Variants in ZKSCAN1 observed in about 807,000 individuals in gnomAD.
ZKSCAN1 encodes zinc finger protein with KRAB and SCAN domains 1.
In ZKSCAN1, 14 loss-of-function variants were observed where a neutral mutation model predicts 51.6. The ratio of observed to expected loss-of-function variants is 0.27; its 90% CI spans 0.18 to 0.42. The LOEUF (loss-of-function observed/expected upper bound fraction) is 0.42, where lower values mean the gene tolerates loss of function less well. ZKSCAN1 is among the 10% of genes least tolerant of loss of function. ZKSCAN1 has a pLI of 1.00. For missense variants in ZKSCAN1, 531 were observed against 710.0 expected, an observed-to-expected ratio of 0.75 and a Z score of 2.86; for synonymous variants, 263 against 261.5, an observed-to-expected ratio of 1.01 and a Z score of -0.06.
chr7:100,032,428 GT>G (rs1791147381), intron 5 of ZKSCAN1, among the ~76,000 whole-genome samples: 2 of 152,096 alleles, frequency 1.3e-5, no homozygotes, highest in South Asian at 4.1e-4. Context: ...TGCTCCCTCT[GT>G]TGTCATTTCC....
At chr7:100,042,959 G>A (rs1359537722), downstream of ZKSCAN1, among the ~76,000 whole-genome samples, 6 of 152,018 alleles carry the variant, frequency 3.9e-5, no homozygotes, top group Non-Finnish European at 7.4e-5. Flanking sequence ...CACTGTGCCC[G>A]GCTAACTTTT....
At chr7:100,045,052 G>A (rs544515872), downstream of ZKSCAN1, 26 of 894,650 alleles carry the variant, frequency 2.9e-5, no homozygotes, top group African/African-American at 4.7e-4. Flanking sequence ...AACACTAAAT[G>A]CTGGAATCTT....
intron 4 of ZKSCAN1, 142 bp downstream of exon 4, chr7:100,030,094 T>C: frequency 7.2e-7 from 1 of 1,391,610 alleles, no homozygotes; most frequent in Non-Finnish European, 9.9e-7. Context: ...AGCATCTTTC[T>C]ACCACAAACT....
rs754643080 is a variant in ZKSCAN1, at chr7:100,023,482, G to A, written c.-25G>A. 2 of 1,593,356 alleles carry A rather than the reference G, an allele frequency of 1.3e-6. No individual in the cohort carries two copies. Among genetic ancestry groups the A allele is most frequent in the Admixed American group, 3.5e-5 (2 of 57,832 alleles). On this transcript the variant is annotated 5_prime_UTR_variant, in exon 2 of 6. Transcript: ENST00000324306. ...TAAAGGTGAGCACAGACCCTGTTTG[G>A]ATCAAGTCAGTTCCTGGAGCCTGAA...
At position 100,033,185 on chromosome 7, in the gene ZKSCAN1, A is replaced by G; in HGVS notation, c.800-120A>G. On this transcript the variant is annotated intron_variant, in intron 5 of 5. Transcript: ENST00000324306. This position sits in a 1 kb window ranked among gnomAD's most constrained non-coding sequence, Gnocchi z 4.1. Reference sequence around the variant, plus strand: ...AGACTCTGTCTCAAAGGAAATAAAAATAAAAATATTGCAAAGTCATTTTGC... The same window carrying G: ...AGACTCTGTCTCAAAGGAAATAAAAGTAAAAATATTGCAAAGTCATTTTGC... 1.4e-6 allele frequency: 2 copies of G among 1,438,314 alleles called. No individual in the cohort carries two copies. The highest frequency in any genetic ancestry group is 3.1e-5 in the South Asian group (2 of 64,794). 89.1% of individuals were successfully genotyped at this position (1,438,314 alleles called of 1,614,324 possible).
chr7:100,034,209 G>T lies in ZKSCAN1; in HGVS notation c.*12G>T. The T allele has an allele frequency of 6.7e-7, 1 of 1,499,376 alleles. No individual in the cohort carries two copies. The highest frequency in any genetic ancestry group is 8.8e-7 in the Non-Finnish European group (1 of 1,132,006). The allele number at this position is 1,499,376 out of a possible 1,614,324, so 92.9% of individuals were successfully genotyped here. On this transcript the variant is annotated 3_prime_UTR_variant, in exon 6 of 6. Transcript: ENST00000324306. Reference sequence around the variant, plus strand: ...AAAGTTGTGTGTAAAGGAAGAATTTGCCATCAAGCCATTTCCCCCTTTTGT... The same window carrying T: ...AAAGTTGTGTGTAAAGGAAGAATTTTCCATCAAGCCATTTCCCCCTTTTGT...
downstream of ZKSCAN1, chr7:100,044,705 A>AT: frequency 1.6e-6 from 1 of 641,432 alleles, no homozygotes; most frequent in Non-Finnish European, 1.9e-6. Context: ...AAAAAAAAAA[A>AT]GTAGCACTGA....
chr7:100,039,599 C>T lies in ZKSCAN1; in HGVS notation c.*5402C>T. On this transcript the variant is annotated 3_prime_UTR_variant, in exon 6 of 6. Transcript: ENST00000324306. ...TATCCTAGAGTCAGTCACTTTTATTCCAGGTAGTCATGCTGATCTGCTTAT... is the reference window on the plus strand; with the variant it reads ...TATCCTAGAGTCAGTCACTTTTATTTCAGGTAGTCATGCTGATCTGCTTAT... 2 of 985,376 alleles carry T rather than the reference C, an allele frequency of 2.0e-6. No individual in the cohort carries two copies. The highest frequency in any genetic ancestry group is 2.4e-6 in the Non-Finnish European group (2 of 829,932). 61.0% of individuals were successfully genotyped at this position (985,376 alleles called of 1,614,324 possible). A position where few individuals can be genotyped will look rare whatever the true frequency, so the allele number is the denominator to read the frequency against.
chr7:100,033,702 C>T lies in ZKSCAN1; in HGVS notation c.1197C>T (p.His399=), dbSNP rs756381115. Residue 399 remains histidine, a synonymous_variant, in exon 6 of 6, where the codon CAC becomes CAT. Coordinates refer to ENST00000324306, the MANE Select transcript of ZKSCAN1 (RefSeq NM_003439.4). This position sits in a 1 kb window ranked among gnomAD's most constrained non-coding sequence, Gnocchi z 4.1. ...GCCTTATCCGCCATAAAATAATCCA[C>T]ACTGGAGAAAAGCCCTATGAATGTA... ...SSSLIRHKII[H]TGEKPYECSE... 7 of 1,614,226 alleles carry T rather than the reference C, an allele frequency of 4.3e-6. No homozygotes were observed. The Admixed American group carries it at 1.2e-4, about 27-fold the overall frequency.
chr7:100,021,963 C>G (rs1175176968), intron 1 of ZKSCAN1, among the ~76,000 whole-genome samples: 1 of 151,932 alleles, frequency 6.6e-6, no homozygotes, highest in Non-Finnish European at 1.5e-5. Flanking sequence ...AGGCTGGTCT[C>G]AAACTTCTGG....
chr7:100,037,649 C>A lies in ZKSCAN1; in HGVS notation c.*3452C>A. ...GTGAGGAAAACTTTCATGTATAGCA[C>A]TCATTGCTTCAGACAGAAAATGAAT... On this transcript the variant is annotated 3_prime_UTR_variant, in exon 6 of 6. Coordinates refer to ENST00000324306, the MANE Select transcript of ZKSCAN1 (RefSeq NM_003439.4). The A allele has an allele frequency of 2.0e-6, 2 of 985,440 alleles. No homozygotes were observed. The highest frequency in any genetic ancestry group is 9.4e-5 in the South Asian group (2 of 21,286). 61.0% of individuals were successfully genotyped at this position (985,440 alleles called of 1,614,324 possible).
downstream of ZKSCAN1, among the ~76,000 whole-genome samples, chr7:100,042,489 A>G (rs1331828537): frequency 6.6e-6 from 1 of 152,000 alleles, no homozygotes; most frequent in Non-Finnish European, 1.5e-5. Flanking sequence ...ATTCAATTCA[A>G]TTCTGACACT....
downstream of ZKSCAN1, among the ~76,000 whole-genome samples, chr7:100,043,771 A>ATTT (rs772298225): frequency 7.1e-4 from 42 of 58,914 alleles, 1 homozygote; most frequent in South Asian, 4.7e-3. Flanking sequence ...TTCTTTCTTG[A>ATTT]TTTTTTTTTT....
chr7:100,030,089 C>T, intron 4 of ZKSCAN1, 137 bp downstream of exon 4: 2 of 1,388,678 alleles, frequency 1.4e-6, no homozygotes, highest in Non-Finnish European at 9.9e-7. Flanking sequence ...CTTTTAGCAT[C>T]TTTCTACCAC....
In ZKSCAN1 at chr7:100,030,383, G is replaced by C; in HGVS notation, c.799+8G>C. The C allele has an allele frequency of 6.2e-7, 1 of 1,611,986 alleles. No individual in the cohort carries two copies. Among genetic ancestry groups the C allele is most frequent in the Non-Finnish European group, 8.5e-7 (1 of 1,178,988 alleles). Reference sequence around the variant, plus strand: ...GGAGCGCATTTCCCCAGGGTAAGACGGATGCAGGCTTACTGTCTGATAAGA... The same window carrying C: ...GGAGCGCATTTCCCCAGGGTAAGACCGATGCAGGCTTACTGTCTGATAAGA... On this transcript the variant is annotated splice_region_variant and intron_variant, in intron 5 of 5. Coordinates refer to ENST00000324306, the MANE Select transcript of ZKSCAN1 (RefSeq NM_003439.4).
At chr7:100,017,242 A>T (rs1386042630) in intron 1 of ZKSCAN1, among the ~76,000 whole-genome samples, 2 of 151,362 alleles carry the variant, frequency 1.3e-5, no homozygotes, top group African/African-American at 2.4e-5. Flanking sequence ...TTTTTTTTTG[A>T]GACAGAGTCT....
intron 1 of ZKSCAN1, among the ~76,000 whole-genome samples, chr7:100,020,168 C>T (rs549751026): frequency 2.2e-4 from 34 of 152,066 alleles, no homozygotes; most frequent in Admixed American, 8.5e-4. Context: ...AGAGGCAAGT[C>T]GCGTTTTAGC....
intron 3 of ZKSCAN1, among the ~76,000 whole-genome samples, chr7:100,028,569 C>T (rs1790947659): frequency 1.3e-5 from 2 of 152,100 alleles, no homozygotes; most frequent in African/African-American, 4.8e-5. Flanking sequence ...AAATTCATTT[C>T]TCAAATATCC....
chr7:100,031,273 ATTTTTTTT>A (rs60390216), intron 5 of ZKSCAN1, among the ~76,000 whole-genome samples: 2 of 89,508 alleles, frequency 2.2e-5, no homozygotes, highest in East Asian at 3.2e-4. Context: ...GTACTAGATG[ATTTTTTTT>A]TTTTTTTTTT....
Sources: gnomAD v4.1 joint callset for allele counts (sites outside exome capture counted in the v4.1 genomes callset) on GRCh38, gnomAD v4.1.1 for gene constraint, Gnocchi (gnomAD v3.1) non-coding constraint, MANE v1.5 for transcripts, NCBI Gene and HGNC (gene_info 2026-07-23, HGNC 2026-07-21) for gene names.